The following PARP8 variants were observed in gnomAD, a reference collection of about 807,000 sequenced individuals.
PARP8 encodes the protein protein mono-ADP-ribosyltransferase PARP8.
Under a neutral mutation model 124.1 loss-of-function variants are expected in PARP8, and 51 were observed. That is an observed-to-expected ratio of 0.41 (90% CI 0.33 to 0.52). The LOEUF (loss-of-function observed/expected upper bound fraction) is 0.52, where lower values mean the gene tolerates loss of function less well. PARP8 is among the 20% of genes least tolerant of loss of function. The pLI, the probability that PARP8 is intolerant of heterozygous loss-of-function variation, is 0.21. For missense variants in PARP8, 860 were observed against 1,018.9 expected (o/e 0.84, Z 2.12); for synonymous variants, 391 against 361.5 (o/e 1.08, Z -0.93).
At chr5:50,805,659 A>G (rs1743752083) in intron 14 of PARP8, among the ~76,000 whole-genome samples, 1 of 152,124 alleles carries the variant, frequency 6.6e-6, no homozygotes, top group Non-Finnish European at 1.5e-5. Context: ...TTGGAAAGCA[A>G]TAATTTTATT....
chr5:50,833,978 G>A lies in PARP8; in HGVS notation c.2308-1G>A, dbSNP rs143374469. 6 of 1,610,086 alleles carry A rather than the reference G, an allele frequency of 3.7e-6. No homozygotes were observed. In the African/African-American group the frequency reaches 8.0e-5, roughly 22 times the overall value. Reference sequence around the variant, plus strand: ...AAGTTTTAATTGTTTTTGGAATTTAGTCACAGAAAAAAGGACAGCAATCCC... The same window carrying A: ...AAGTTTTAATTGTTTTTGGAATTTAATCACAGAAAAAAGGACAGCAATCCC... On this transcript the variant is annotated splice_acceptor_variant, in intron 23 of 25. Transcript: ENST00000281631. LOFTEE classifies it high-confidence loss of function.
chr5:50,774,224 G>C (rs368357168), intron 7 of PARP8, among the ~76,000 whole-genome samples: 19 of 152,178 alleles, frequency 1.2e-4, no homozygotes, highest in East Asian at 5.8e-4. Flanking sequence ...ATGGAGTCTC[G>C]TATGTCTACT....
intron 2 of PARP8, among the ~76,000 whole-genome samples, chr5:50,747,150 G>GTTTTTTTTTTTTT (rs1561320439): frequency 2.6e-5 from 1 of 38,478 alleles, no homozygotes; most frequent in African/African-American, 7.0e-5. Context: ...GGTTTTTTTT[G>GTTTTTTTTTTTTT]TTTGTTTGTT....
chr5:50,794,772 C>T (rs1156828783), intron 11 of PARP8, 81 bp from the exon 12 acceptor site: 21 of 1,245,876 alleles, frequency 1.7e-5, no homozygotes, highest in Non-Finnish European at 1.9e-5. Flanking sequence ...TTAGCACAGT[C>T]GAGTTTGAGC....
At chr5:50,690,627 A>G (rs1185519704) in intron 2 of PARP8, among the ~76,000 whole-genome samples, 1 of 151,910 alleles carries the variant, frequency 6.6e-6, no homozygotes, top group Non-Finnish European at 1.5e-5. Flanking sequence ...TTGTTCTTTT[A>G]TTCTTTTATT....
chr5:50,786,970 T>C (rs1741327872), intron 9 of PARP8, among the ~76,000 whole-genome samples: 1 of 152,210 alleles, frequency 6.6e-6, no homozygotes. Context: ...GCATCTTAAA[T>C]TTAAAGTATT....
In PARP8 at chr5:50,821,212, G is replaced by C. The variant is rs1318097921; in HGVS notation, c.1669-1G>C. ...TAACTATCTTATGTGTATATTTCAA[G>C]GTGGTAGATCTACTAGTATCCATGT... On this transcript the variant is annotated splice_acceptor_variant, in intron 15 of 25. Coordinates refer to ENST00000281631, the MANE Select transcript of PARP8 (RefSeq NM_024615.4). LOFTEE classifies it high-confidence loss of function. 5 of 1,613,820 alleles carry C rather than the reference G, an allele frequency of 3.1e-6. No homozygotes were observed. The highest frequency in any genetic ancestry group is 4.2e-6 in the Non-Finnish European group (5 of 1,179,890).
At chr5:50,825,147 C>T (rs1457470660) in intron 18 of PARP8, among the ~76,000 whole-genome samples, 172 bp downstream of exon 18, 3 of 152,138 alleles carry the variant, frequency 2.0e-5, no homozygotes, top group Non-Finnish European at 4.4e-5. Context: ...CTTAATGACT[C>T]TCACTTTAAT....
chr5:50,805,555 A>C (rs1234695518), intron 14 of PARP8, among the ~76,000 whole-genome samples: 3 of 152,122 alleles, frequency 2.0e-5, no homozygotes, highest in African/African-American at 4.8e-5. Context: ...AATATTTGAT[A>C]AGTAGAAGGC....
chr5:50,763,225 A>G lies in PARP8; in HGVS notation c.501A>G (p.Pro167=). Residue 167 remains proline, a synonymous_variant, in exon 7 of 26, where the codon CCA becomes CCG. Transcript: ENST00000281631. The part of the protein sequence containing the change: ...DLSAVREIYG[P]HAVSLREYGA... Reference sequence around the variant, plus strand: ...CAGCAGTTAGAGAGATATATGGGCCACATGCAGTTTCTCTCAGGTAAATAA... The same window carrying G: ...CAGCAGTTAGAGAGATATATGGGCCGCATGCAGTTTCTCTCAGGTAAATAA... 1 of 1,611,230 alleles carries G rather than the reference A, an allele frequency of 6.2e-7. No homozygotes were observed. Among genetic ancestry groups the G allele is most frequent in the Non-Finnish European group, 8.5e-7 (1 of 1,177,398 alleles).
At chr5:50,677,950 A>G (rs1451472841) in intron 2 of PARP8, among the ~76,000 whole-genome samples, 1 of 152,072 alleles carries the variant, frequency 6.6e-6, no homozygotes, top group Non-Finnish European at 1.5e-5. Context: ...TGTACATTAT[A>G]CAGGCATATA....
At chr5:50,757,075 A>G (rs374476507) in intron 3 of PARP8, 7 of 436,038 alleles carry the variant, frequency 1.6e-5, no homozygotes, top group African/African-American at 1.4e-4. Flanking sequence ...GCAACCATCC[A>G]TTGATGAACA....
At chr5:50,747,154 G>GTTTTTTTTTTTTTTTTTTTTTTTTTTTTT (rs370243477) in intron 2 of PARP8, among the ~76,000 whole-genome samples, 1 of 121,918 alleles carries the variant, frequency 8.2e-6, no homozygotes, top group African/African-American at 3.3e-5. Flanking sequence ...TTTTTTGTTT[G>GTTTTTTTTTTTTTTTTTTTTTTTTTTTTT]TTTGTTTTGT....
rs77773772 is a variant in PARP8 at position 50,686,187 on chromosome 5, C to T, written c.146+18062C>T. The stretch of plus-strand genomic sequence containing the variant: ...TTCCTAGATGCATTGCGGATACAGG[C>T]GTTGAATAGATGCAGTCATTCCAAA... On this transcript the variant is annotated intron_variant, in intron 2 of 25. Coordinates refer to ENST00000281631, the MANE Select transcript of PARP8 (RefSeq NM_024615.4). Among the ~76,000 whole-genome samples, 268 of 152,316 alleles carry T rather than the reference C, an allele frequency of 1.8e-3. 3 individuals carry two copies. The highest frequency in any genetic ancestry group is 0.015 in the East Asian group (78 of 5,186).
chr5:50,735,848 A>C (rs1254603989), intron 2 of PARP8, among the ~76,000 whole-genome samples: 1 of 151,626 alleles, frequency 6.6e-6, no homozygotes, highest in Non-Finnish European at 1.5e-5. Flanking sequence ...AACCTTATCT[A>C]GGTCAGGTAG....
intron 10 of PARP8, among the ~76,000 whole-genome samples, chr5:50,791,280 A>C (rs1741924539): frequency 6.6e-6 from 1 of 152,216 alleles, no homozygotes; most frequent in Non-Finnish European, 1.5e-5. Flanking sequence ...ACATATAATA[A>C]GACATTTAAT....
intron 12 of PARP8, among the ~76,000 whole-genome samples, chr5:50,796,593 G>A (rs573921682): frequency 6.6e-6 from 1 of 152,300 alleles, no homozygotes; most frequent in African/African-American, 2.4e-5. Context: ...TTCAGTAGCT[G>A]TCTAATATTT....
intron 10 of PARP8, among the ~76,000 whole-genome samples, chr5:50,790,556 T>C (rs1297422258): frequency 6.6e-6 from 1 of 152,190 alleles, no homozygotes; most frequent in East Asian, 1.9e-4. Flanking sequence ...ACTTACAAAC[T>C]TTTATTTTTA....
intron 25 of PARP8, among the ~76,000 whole-genome samples, chr5:50,837,923 C>G (rs1031191934): frequency 9.2e-5 from 14 of 152,006 alleles, no homozygotes; most frequent in African/African-American, 3.4e-4. Flanking sequence ...CAGATCCAAG[C>G]CAATTCCTAG....
Sources: allele counts gnomAD v4.1 joint callset (sites outside exome capture counted in the v4.1 genomes callset), GRCh38; gene constraint gnomAD v4.1.1; transcripts MANE v1.5; gene names NCBI Gene and HGNC (gene_info 2026-07-23, HGNC 2026-07-21).